The following ZBTB8OS variants were observed in gnomAD, a reference collection of about 807,000 sequenced individuals.
The protein encoded by ZBTB8OS is tRNA splicing ligase complex subunit 1.
A neutral mutation model predicts 29.3 loss-of-function variants in ZBTB8OS; 16 were observed. The ratio of observed to expected loss-of-function variants is 0.55; its 90% CI spans 0.37 to 0.83. ZBTB8OS has a LOEUF of 0.83. ZBTB8OS is among the 40% of genes least tolerant of loss of function. The pLI, the probability that ZBTB8OS is intolerant of heterozygous loss-of-function variation, is 0.00. For synonymous variants in ZBTB8OS, 70 were observed against 64.6 expected (o/e 1.08, Z -0.40); for missense variants, 160 against 196.9 (o/e 0.81, Z 1.12).
chr1:32,639,468 T>TA, intron 1 of ZBTB8OS, among the ~76,000 whole-genome samples: 1 of 152,194 alleles, frequency 6.6e-6, no homozygotes, highest in South Asian at 2.1e-4. Context: ...ACTATATTGT[T>TA]AAAAGATTTA....
intron 6 of ZBTB8OS, 83 bp from the exon 7 acceptor site, chr1:32,622,031 C>T (rs766791480): frequency 4.1e-6 from 4 of 966,562 alleles, no homozygotes; most frequent in Non-Finnish European, 6.1e-6. Flanking sequence ...CAACAATCAG[C>T]AGAAAGTAAA....
intron 1 of ZBTB8OS, among the ~76,000 whole-genome samples, chr1:32,639,274 G>T (rs1019960706): frequency 6.6e-6 from 1 of 150,744 alleles, no homozygotes. Context: ...CTCCAGCCTG[G>T]GCAACAGAGC....
In ZBTB8OS at chr1:32,621,522, C is replaced by T; in HGVS notation, c.*340G>A. ...CTTTCAACCTGGATTCAGCCTCAGG[C>T]TGCTGCTGACATCAGTGATCCTCTC... On this transcript the variant is annotated 3_prime_UTR_variant, in exon 7 of 7. Coordinates refer to ENST00000468695, the MANE Select transcript of ZBTB8OS (RefSeq NM_178547.5). 4.6e-6 allele frequency: 1 copy of T among 217,564 alleles called. No individual in the cohort carries two copies. The highest frequency in any genetic ancestry group is 8.9e-6 in the Non-Finnish European group (1 of 112,586). 13.5% of individuals were successfully genotyped at this position (217,564 alleles called of 1,614,324 possible).
chr1:32,650,010 G>GT (rs1266368207), intron 1 of ZBTB8OS, among the ~76,000 whole-genome samples: 1 of 152,046 alleles, frequency 6.6e-6, no homozygotes, highest in African/African-American at 2.4e-5. Flanking sequence ...GCAAAACCAG[G>GT]TTTTTTGCTA....
intron 1 of ZBTB8OS, among the ~76,000 whole-genome samples, chr1:32,649,891 C>A (rs141873374): frequency 0.039 from 5,857 of 151,912 alleles, 230 homozygotes; most frequent in East Asian, 0.11. Context: ...CTCGAACTTC[C>A]GACCTCAGGT....
At chr1:32,646,617 T>C (rs1646855553) in intron 1 of ZBTB8OS, among the ~76,000 whole-genome samples, 2 of 151,332 alleles carry the variant, frequency 1.3e-5, no homozygotes, top group African/African-American at 4.9e-5. Context: ...CTCAATCTCC[T>C]GACCTCGTGA....
intron 2 of ZBTB8OS, 124 bp from the exon 3 acceptor site, chr1:32,634,196 C>CA: frequency 9.3e-6 from 7 of 755,828 alleles, no homozygotes; most frequent in Non-Finnish European, 1.4e-5. Flanking sequence ...ATCAATTTAA[C>CA]AGCACTGCAA....
At position 32,621,797 on chromosome 1, in the gene ZBTB8OS, G is replaced by A. The variant is rs1644769272; in HGVS notation, c.*65C>T. The stretch of plus-strand genomic sequence containing the variant: ...AAAGCTGTAGAATTTAATTCATAGT[G>A]TCTTCTCAAAAGGAAGAGGAAAACA... On this transcript the variant is annotated 3_prime_UTR_variant, in exon 7 of 7. Coordinates refer to ENST00000468695, the MANE Select transcript of ZBTB8OS (RefSeq NM_178547.5). 1.8e-6 allele frequency: 2 copies of A among 1,086,312 alleles called. No homozygotes were observed. Among genetic ancestry groups the A allele is most frequent in the East Asian group, 2.4e-5 (1 of 41,390 alleles). 67.3% of individuals were successfully genotyped at this position (1,086,312 alleles called of 1,614,324 possible). A position where few individuals can be genotyped will look rare whatever the true frequency, so the allele number is the denominator to read the frequency against.
In ZBTB8OS at chr1:32,621,709, C is replaced by T; in HGVS notation, c.*153G>A. On this transcript the variant is annotated 3_prime_UTR_variant, in exon 7 of 7. Transcript: ENST00000468695. ...AGACCAAGGCTGTGCCCTGATTTTCCCTTTCTGAAAGTCACACTTTAACTA... is the reference window on the plus strand; with the variant it reads ...AGACCAAGGCTGTGCCCTGATTTTCTCTTTCTGAAAGTCACACTTTAACTA... The T allele has an allele frequency of 1.6e-6, 1 of 630,436 alleles. No individual in the cohort carries two copies. The highest frequency in any genetic ancestry group is 2.7e-6 in the Non-Finnish European group (1 of 368,426). The allele number at this position is 630,436 out of a possible 1,614,324, so 39.1% of individuals were successfully genotyped here. A position where few individuals can be genotyped will look rare whatever the true frequency, so the allele number is the denominator to read the frequency against.
chr1:32,641,536 T>C (rs1646405202), intron 1 of ZBTB8OS, among the ~76,000 whole-genome samples: 1 of 147,034 alleles, frequency 6.8e-6, no homozygotes, highest in African/African-American at 2.5e-5. Context: ...CCTCCCAAAG[T>C]GCTGGGATTA....
intron 5 of ZBTB8OS, among the ~76,000 whole-genome samples, chr1:32,628,927 A>G (rs2148334836): frequency 6.6e-6 from 1 of 152,308 alleles, no homozygotes; most frequent in East Asian, 1.9e-4. Flanking sequence ...ACAGAGTGAG[A>G]CTGTCTAAAA....
intron 1 of ZBTB8OS, among the ~76,000 whole-genome samples, chr1:32,640,872 A>T (rs910706505): frequency 4.6e-5 from 7 of 152,046 alleles, no homozygotes; most frequent in African/African-American, 1.7e-4. Flanking sequence ...GTGACAGATC[A>T]CTGTTCACTT....
At chr1:32,645,043 G>C (rs1646732236) in intron 1 of ZBTB8OS, among the ~76,000 whole-genome samples, 2 of 151,894 alleles carry the variant, frequency 1.3e-5, no homozygotes, top group Admixed American at 1.3e-4. Flanking sequence ...GCTGGGCATG[G>C]TGGCGTGTGC....
At chr1:32,645,274 G>A (rs537073607) in intron 1 of ZBTB8OS, among the ~76,000 whole-genome samples, 3 of 152,280 alleles carry the variant, frequency 2.0e-5, no homozygotes, top group Middle Eastern at 3.4e-3. Flanking sequence ...AAGGCAGGAC[G>A]ATTGCTTAAG....
At chr1:32,650,568 A>C, upstream of ZBTB8OS, 1 of 1,613,654 alleles carries the variant, frequency 6.2e-7, no homozygotes, top group South Asian at 1.1e-5. Context: ...CCCTTCATCC[A>C]CCGGACTTCG....
chr1:32,636,344 C>T (rs1420177763), intron 1 of ZBTB8OS, among the ~76,000 whole-genome samples: 3 of 152,164 alleles, frequency 2.0e-5, no homozygotes, highest in African/African-American at 4.8e-5. Flanking sequence ...CTTGATGAAT[C>T]GGCTTTGTCT....
At chr1:32,650,902 C>G, upstream of ZBTB8OS, 1 of 471,146 alleles carries the variant, frequency 2.1e-6, no homozygotes, top group Non-Finnish European at 3.8e-6. Flanking sequence ...CTGAAAGGGT[C>G]GTAAGCTTAA....
At chr1:32,624,993 G>A (rs1557744669) in intron 6 of ZBTB8OS, among the ~76,000 whole-genome samples, 1 of 152,126 alleles carries the variant, frequency 6.6e-6, no homozygotes, top group East Asian at 1.9e-4. Flanking sequence ...GGAGGCCAAG[G>A]TGGGTGGATC....
chr1:32,621,191 G>A lies in ZBTB8OS; in HGVS notation c.*671C>T. The A allele has an allele frequency of 6.6e-6, 1 of 152,284 alleles. No homozygotes were observed. The highest frequency in any genetic ancestry group is 1.9e-4 in the East Asian group (1 of 5,164). The allele number at this position is 152,284 out of a possible 1,614,324, so 9.4% of individuals were successfully genotyped here. On this transcript the variant is annotated 3_prime_UTR_variant, in exon 7 of 7. Transcript: ENST00000468695. ...CAAGGTGGGCGGATCACAAGGTCAG[G>A]AGATCAAGACCATCCTAGCTAACAC...
Sources: gnomAD v4.1 joint callset for allele counts (sites outside exome capture counted in the v4.1 genomes callset) on GRCh38, gnomAD v4.1.1 for gene constraint, MANE v1.5 for transcripts, NCBI Gene and HGNC (gene_info 2026-07-23, HGNC 2026-07-21) for gene names.